EIF2AK1: variants seen among roughly 807,000 people sequenced by gnomAD.
The protein encoded by EIF2AK1 is eukaryotic translation initiation factor 2-alpha kinase 1.
In EIF2AK1, 54 loss-of-function variants were observed where a neutral mutation model predicts 77.9. The observed-to-expected ratio is 0.69, with a 90% CI of 0.56 to 0.87. The LOEUF is 0.87. Among genes scored for constraint, EIF2AK1 ranks in the 40% least tolerant of loss-of-function variants. EIF2AK1 has a pLI of 0.00. For synonymous variants in EIF2AK1, 314 were observed against 290.5 expected (o/e 1.08, Z -0.82); for missense variants, 810 against 768.6 (o/e 1.05, Z -0.64).
chr7:6,041,798 G>A (rs1196112279), intron 8 of EIF2AK1, among the ~76,000 whole-genome samples: 2 of 146,250 alleles, frequency 1.4e-5, no homozygotes, highest in Non-Finnish European at 3.0e-5. Flanking sequence ...CCAAGATTGC[G>A]CCACTGCACT....
At chr7:6,056,219 G>A (rs1413759381) in intron 1 of EIF2AK1, among the ~76,000 whole-genome samples, 1 of 147,464 alleles carries the variant, frequency 6.8e-6, no homozygotes, top group Non-Finnish European at 1.5e-5. Flanking sequence ...CTTGAACCCA[G>A]GAGGTGGAGG....
intron 3 of EIF2AK1, among the ~76,000 whole-genome samples, chr7:6,049,328 G>A (rs754978166): frequency 8.5e-5 from 13 of 152,204 alleles, no homozygotes; most frequent in Non-Finnish European, 1.6e-4. Flanking sequence ...CACATCACGA[G>A]GTCAGGAGTT....
intron 11 of EIF2AK1, among the ~76,000 whole-genome samples, chr7:6,034,249 G>C (rs1366389376): frequency 6.6e-6 from 1 of 152,016 alleles, no homozygotes; most frequent in Non-Finnish European, 1.5e-5. Context: ...AGCAGTTGCA[G>C]TGAGCCAAAA....
rs199693303 is a variant in EIF2AK1, at chr7:6,049,953, T to C, written c.370A>G (p.Ile124Val). The C allele has an allele frequency of 3.3e-5, 54 of 1,613,134 alleles. No individual in the cohort carries two copies. Among genetic ancestry groups the C allele is most frequent in the Non-Finnish European group, 4.6e-5 (54 of 1,179,704 alleles). ...TTAGCAGACCTCATTAAGTGAGTAA[T>C]AGCTCTGTTGTGATGTAGTCTCAAT... ...SSLRLHHNRA[I>V]THLMRSAKER... is the part of the protein sequence containing the mutation. The change falls in exon 3 of 15, where the codon ATT becomes GTT. Residue 124 changes from isoleucine (I) to valine (V), a missense_variant. Ile to Val is a conservative substitution (Grantham distance 29). This residue lies in a region of EIF2AK1 where 246 missense variants were observed against 199.0 expected (regional missense o/e 1.24). Transcript: ENST00000199389.
intron 1 of EIF2AK1, 47 bp downstream of exon 1, chr7:6,058,919 G>C (rs1788872463): frequency 2.1e-6 from 3 of 1,458,864 alleles, no homozygotes; most frequent in African/African-American, 1.5e-5. Context: ...CAGAAACGCA[G>C]GTGGACAGAG....
chr7:6,031,279 G>C (rs926839917), intron 11 of EIF2AK1: 3 of 1,195,952 alleles, frequency 2.5e-6, no homozygotes, highest in Non-Finnish European at 2.4e-6. Flanking sequence ...ACAAATTCTA[G>C]AACAGTTCTA....
intron 1 of EIF2AK1, among the ~76,000 whole-genome samples, chr7:6,057,126 C>CTTTTTTT (rs34958065): frequency 4.4e-5 from 4 of 90,738 alleles, no homozygotes; most frequent in African/African-American, 4.6e-5. Context: ...GACCCCATCT[C>CTTTTTTT]TTTTTTTTTT....
chr7:6,053,448 G>A lies in EIF2AK1; in HGVS notation c.277+1098C>T, dbSNP rs538310078. 5.9e-5 allele frequency among the ~76,000 whole-genome samples: 9 copies of A among 152,116 alleles called. No individual in the cohort carries two copies. In the East Asian group the frequency reaches 1.2e-3, roughly 20 times the overall value. ...GCGATCTCAGCTCACTGCAACCTCC[G>A]CCTCCCAGGTTCAAATGATTTTCCA... On this transcript the variant is annotated intron_variant, in intron 2 of 14. Coordinates refer to ENST00000199389, the MANE Select transcript of EIF2AK1 (RefSeq NM_014413.4).
In EIF2AK1 at chr7:6,023,590, A is replaced by G. The variant is rs751152417; in HGVS notation, c.*1083T>C. 8.1e-6 allele frequency: 13 copies of G among 1,614,104 alleles called. No individual in the cohort carries two copies. Among genetic ancestry groups the G allele is most frequent in the Non-Finnish European group, 1.0e-5 (12 of 1,180,042 alleles). ...GGTGCTGTGGTCTGTACTCCAGCAG[A>G]TCGGAGGCTGCAGTGTGACAGTGCC... On this transcript the variant is annotated 3_prime_UTR_variant, in exon 15 of 15. Transcript: ENST00000199389.
chr7:6,031,657 A>G lies in EIF2AK1; in HGVS notation c.1333-2625T>C, dbSNP rs879309548. Reference sequence around the variant, plus strand: ...GGCTGCTTAGAAAGAAGCATGATCTAAAGCTGGTGAACCCACTAAGCTCAC... The same window carrying G: ...GGCTGCTTAGAAAGAAGCATGATCTGAAGCTGGTGAACCCACTAAGCTCAC... On this transcript the variant is annotated intron_variant, in intron 11 of 14. Coordinates refer to ENST00000199389, the MANE Select transcript of EIF2AK1 (RefSeq NM_014413.4). The G allele has an allele frequency of 9.0e-5, 134 of 1,482,666 alleles. 2 individuals carry two copies. The highest frequency in any genetic ancestry group is 6.1e-4 in the Admixed American group (31 of 50,618). The allele number at this position is 1,482,666 out of a possible 1,614,324, so 91.8% of individuals were successfully genotyped here.
Position 6,035,557 on chromosome 7 carries a change from A to G in EIF2AK1, c.1332+1867T>C. ...CACAGGATCCTGACAGACATTCAGA[A>G]TAGCAGCATCACATGTCTCCGCATC... On this transcript the variant is annotated intron_variant, in intron 11 of 14. Transcript: ENST00000199389. This position sits in a 1 kb window ranked among gnomAD's most constrained non-coding sequence, Gnocchi z 5.5. 6.4e-7 allele frequency: 1 copy of G among 1,551,228 alleles called. No individual in the cohort carries two copies.
At position 6,028,680 on chromosome 7, in the gene EIF2AK1, A is replaced by C. The variant is rs1787819010; in HGVS notation, c.1465T>G (p.Ser489Ala). ...GCGTACAGACAAGTACCCACTCTGG[A>C]CGTATGTGTTGGTGTTCCTATCATT... The part of the protein sequence containing the change: ...RNGKRTPTHT[S>A]RVGTCLYASP... The change falls in exon 13 of 15, where the codon TCC becomes GCC. Residue 489 changes from serine (S) to alanine (A), a missense_variant. Around this residue, in one of 3 missense-constraint regions of EIF2AK1, gnomAD observed 549 missense variants for 533.7 expected, o/e 1.03. Transcript: ENST00000199389. 1 of 1,614,232 alleles carries C rather than the reference A, an allele frequency of 6.2e-7. No individual in the cohort carries two copies. Among genetic ancestry groups the C allele is most frequent in the African/African-American group, 1.3e-5 (1 of 75,074 alleles).
chr7:6,053,699 C>A (rs1295485798), intron 2 of EIF2AK1, among the ~76,000 whole-genome samples: 5 of 114,544 alleles, frequency 4.4e-5, no homozygotes, highest in Middle Eastern at 8.9e-3. Flanking sequence ...TGGACTTTAG[C>A]TCTTGTTGCC....
Position 6,036,301 on chromosome 7 carries a change from A to C in EIF2AK1, c.1332+1123T>G. On this transcript the variant is annotated intron_variant, in intron 11 of 14. Transcript: ENST00000199389. The surrounding 1 kb of genome is among the most constrained non-coding windows in gnomAD (Gnocchi z 4.6). ...AACATCAGGAATATTTATGGTGAGA[A>C]ATACAAACAGCACTTGAAGCAATTC... 1 of 1,547,986 alleles carries C rather than the reference A, an allele frequency of 6.5e-7. No homozygotes were observed. The highest frequency in any genetic ancestry group is 1.7e-4 in the Middle Eastern group (1 of 5,974).
At chr7:6,038,764 AAG>A (rs1246971187) in intron 9 of EIF2AK1, 93 bp from the exon 10 acceptor site, 3 of 1,053,208 alleles carry the variant, frequency 2.8e-6, no homozygotes, top group East Asian at 5.4e-5. Flanking sequence ...ATTCTGGGCC[AAG>A]AGAGTAGGCC....
intron 1 of EIF2AK1, chr7:6,058,207 C>T (rs1370434157): frequency 8.8e-6 from 4 of 453,142 alleles, no homozygotes; most frequent in Non-Finnish European, 1.8e-5. Flanking sequence ...GCCAGGCGTT[C>T]GAGACCAGCC....
chr7:6,058,040 G>C, intron 1 of EIF2AK1: 1 of 422,386 alleles, frequency 2.4e-6, no homozygotes, highest in South Asian at 1.7e-5. Flanking sequence ...CCTAGTTAGA[G>C]TCAATGTTTT....
intron 2 of EIF2AK1, among the ~76,000 whole-genome samples, chr7:6,053,407 G>A (rs1275588274): frequency 6.6e-6 from 1 of 152,120 alleles, no homozygotes; most frequent in African/African-American, 2.4e-5. Context: ...CTGTCGCCAG[G>A]CTGGTGTGCA....
At chr7:6,044,403 G>A (rs746710709) in intron 7 of EIF2AK1, among the ~76,000 whole-genome samples, 159 bp downstream of exon 7, 21 of 151,832 alleles carry the variant, frequency 1.4e-4, no homozygotes, top group Non-Finnish European at 2.5e-4. Flanking sequence ...CCCAGGAGGC[G>A]GAGCAGCCTG....
Sources: gnomAD v4.1 joint callset for allele counts (sites outside exome capture counted in the v4.1 genomes callset) on GRCh38, gnomAD v4.1.1 for gene constraint, gnomAD v4.1.1 regional missense constraint, Gnocchi (gnomAD v3.1) non-coding constraint, MANE v1.5 for transcripts, NCBI Gene and HGNC (gene_info 2026-07-23, HGNC 2026-07-21) for gene names.